Variants in JARID2 observed in about 807,000 individuals in gnomAD.
The protein encoded by JARID2 is protein Jumonji.
A neutral mutation model predicts 125.6 loss-of-function variants in JARID2; 21 were observed. The ratio of observed to expected loss-of-function variants is 0.17; its 90% CI spans 0.12 to 0.24. The LOEUF (loss-of-function observed/expected upper bound fraction) is 0.24, where lower values mean the gene tolerates loss of function less well. Among genes scored for constraint, JARID2 ranks in the 10% least tolerant of loss-of-function variants. The pLI is 1.00. For synonymous variants in JARID2, 736 were observed against 661.6 expected (o/e 1.11, Z -1.73); for missense variants, 1,303 against 1,639.6 (o/e 0.79, Z 3.55).
chr6:15,433,053 C>A (rs1266981031), intron 3 of JARID2, among the ~76,000 whole-genome samples: 1 of 152,144 alleles, frequency 6.6e-6, no homozygotes, highest in East Asian at 1.9e-4. Context: ...CCAAGTGATT[C>A]TTTTGTTGCT....
intron 3 of JARID2, among the ~76,000 whole-genome samples, chr6:15,422,242 C>T (rs1309365976): frequency 1.3e-5 from 2 of 152,184 alleles, no homozygotes; most frequent in African/African-American, 4.8e-5. Flanking sequence ...CTCTGTCCTT[C>T]TGGACGAATA....
chr6:15,380,713 C>G (rs1764548343), intron 2 of JARID2, among the ~76,000 whole-genome samples: 1 of 152,104 alleles, frequency 6.6e-6, no homozygotes, highest in African/African-American at 2.4e-5. Context: ...ATTTTGAACT[C>G]CTTTCAGAAT....
intron 1 of JARID2, among the ~76,000 whole-genome samples, chr6:15,326,499 T>G (rs1407286789): frequency 1.3e-5 from 2 of 152,146 alleles, no homozygotes; most frequent in East Asian, 3.9e-4. Context: ...CCTGTCAGTA[T>G]TAATGTTTTT....
intron 6 of JARID2, among the ~76,000 whole-genome samples, chr6:15,492,079 G>C (rs376930782): frequency 6.6e-6 from 1 of 152,158 alleles, no homozygotes; most frequent in Admixed American, 6.5e-5. Context: ...TCTCATGGCC[G>C]TGTGCCTGGG....
At chr6:15,365,994 T>A (rs1367231133) in intron 1 of JARID2, among the ~76,000 whole-genome samples, 1 of 152,202 alleles carries the variant, frequency 6.6e-6, no homozygotes, top group Non-Finnish European at 1.5e-5. Flanking sequence ...AAAGGTTATT[T>A]TAGACAAAGT....
rs778752172 is a variant in JARID2 at position 15,496,231 on chromosome 6, G to C, written c.1006G>C (p.Val336Leu). Residue 336 changes from valine to leucine, a missense_variant, in exon 7 of 18, where the codon GTG (valine) becomes CTG (leucine). By Grantham distance (32) the Val-to-Leu change is conservative (BLOSUM62 1). Around this residue, in one of 11 missense-constraint regions of JARID2, gnomAD observed 651 missense variants for 581.6 expected, o/e 1.12. Coordinates refer to ENST00000341776, the MANE Select transcript of JARID2 (RefSeq NM_004973.4). ...REVRPSPSKT[V>L]KYTATVTKGA... ...GGTCAGACCTTCACCATCCAAAACTGTGAAGTACACTGCCACGGTGACGAA... is the reference window on the plus strand; with the variant it reads ...GGTCAGACCTTCACCATCCAAAACTCTGAAGTACACTGCCACGGTGACGAA... 3 of 1,614,168 alleles carry C rather than the reference G, an allele frequency of 1.9e-6. No homozygotes were observed. The highest frequency in any genetic ancestry group is 2.2e-5 in the South Asian group (2 of 91,086).
intron 2 of JARID2, among the ~76,000 whole-genome samples, chr6:15,376,426 CATT>C (rs1252570642): frequency 6.6e-6 from 1 of 152,100 alleles, no homozygotes; most frequent in Non-Finnish European, 1.5e-5. Context: ...CTTTAAGAAT[CATT>C]ATTTTGCTTG....
At chr6:15,306,796 G>A (rs1761843119) in intron 1 of JARID2, among the ~76,000 whole-genome samples, 1 of 151,312 alleles carries the variant, frequency 6.6e-6, no homozygotes, top group Non-Finnish European at 1.5e-5. Flanking sequence ...GGCAAGTGGA[G>A]TGAAGGAAAA....
chr6:15,392,738 G>A (rs1581496390), intron 2 of JARID2, among the ~76,000 whole-genome samples: 2 of 147,010 alleles, frequency 1.4e-5, no homozygotes, highest in Non-Finnish European at 3.0e-5. Flanking sequence ...CTGCTGGAGT[G>A]TAGTGGTGCG....
chr6:15,417,753 AAAT>A (rs1322050928), intron 3 of JARID2, among the ~76,000 whole-genome samples: 1 of 152,186 alleles, frequency 6.6e-6, no homozygotes, highest in Non-Finnish European at 1.5e-5. Flanking sequence ...AAAAAAAACT[AAAT>A]AAGCGAATAA....
At chr6:15,508,935 C>A (rs776912209) in intron 12 of JARID2, 37 of 1,285,354 alleles carry the variant, frequency 2.9e-5, no homozygotes, top group Non-Finnish European at 3.7e-5. Flanking sequence ...GAATATAAAC[C>A]GTGGTATTTC....
At chr6:15,312,840 T>C (rs1460819509) in intron 1 of JARID2, among the ~76,000 whole-genome samples, 2 of 152,164 alleles carry the variant, frequency 1.3e-5, no homozygotes, top group South Asian at 4.1e-4. Flanking sequence ...TCACACACAC[T>C]GAAAGAACCT....
chr6:15,499,855 G>A (rs1770647210), intron 7 of JARID2, among the ~76,000 whole-genome samples: 1 of 152,108 alleles, frequency 6.6e-6, no homozygotes, highest in Non-Finnish European at 1.5e-5. Flanking sequence ...GGTGTGCTGG[G>A]AACTCGCTCT....
At chr6:15,307,218 G>T (rs557253961) in intron 1 of JARID2, among the ~76,000 whole-genome samples, 1 of 152,008 alleles carries the variant, frequency 6.6e-6, no homozygotes, top group Admixed American at 6.6e-5. Context: ...CTCCAGTCTG[G>T]GCTACAGAGT....
intron 3 of JARID2, among the ~76,000 whole-genome samples, chr6:15,416,305 C>T (rs1766207158): frequency 6.6e-6 from 1 of 152,196 alleles, no homozygotes; most frequent in Non-Finnish European, 1.5e-5. Context: ...GCAGAGGCTG[C>T]AATCTCGGCA....
chr6:15,303,009 C>A (rs144478742), intron 1 of JARID2, among the ~76,000 whole-genome samples: 1 of 152,126 alleles, frequency 6.6e-6, no homozygotes, highest in Non-Finnish European at 1.5e-5. Flanking sequence ...TAGGCATCAG[C>A]GACTGCACCT....
intron 3 of JARID2, among the ~76,000 whole-genome samples, chr6:15,432,753 G>C (rs1159039967): frequency 1.3e-5 from 2 of 152,210 alleles, no homozygotes; most frequent in African/African-American, 4.8e-5. Context: ...TCCAGACCCT[G>C]TTCTCCTGCT....
chr6:15,266,655 A>C (rs1230371070), intron 1 of JARID2, among the ~76,000 whole-genome samples: 1 of 152,000 alleles, frequency 6.6e-6, no homozygotes, highest in East Asian at 1.9e-4. Flanking sequence ...TTAAGGCAAA[A>C]CATTTTCTTT....
intron 1 of JARID2, among the ~76,000 whole-genome samples, chr6:15,329,191 TGGGGG>T (rs1762626492): frequency 6.8e-6 from 1 of 147,062 alleles, no homozygotes; most frequent in Non-Finnish European, 1.5e-5. Context: ...TTTTTTTTTT[TGGGGG>T]ATTATTTTGG....
Sources: gnomAD v4.1 joint callset for allele counts (sites outside exome capture counted in the v4.1 genomes callset) on GRCh38, gnomAD v4.1.1 for gene constraint, gnomAD v4.1.1 regional missense constraint, MANE v1.5 for transcripts, NCBI Gene and HGNC (gene_info 2026-07-23, HGNC 2026-07-21) for gene names.